The following TET2 variants were observed in gnomAD, a reference collection of about 807,000 sequenced individuals.
TET2 encodes methylcytosine dioxygenase TET2.
Under a neutral mutation model 142.9 loss-of-function variants are expected in TET2, and 299 were observed. The ratio of observed to expected loss-of-function variants is 2.09; its 90% confidence interval spans 1.90 to 2.30. The LOEUF is 2.30. Among genes scored for constraint, TET2 ranks in the 30% most tolerant of loss-of-function variants. The pLI, the probability that TET2 is intolerant of heterozygous loss-of-function variation, is 0.00. For missense variants in TET2, 2,418 were observed against 2,378.0 expected (o/e 1.02, Z -0.35); for synonymous variants, 819 against 849.0 (o/e 0.96, Z 0.61).
At position 105,229,793 on chromosome 4, in the gene TET2, A is replaced by G. The variant is rs564303710; in HGVS notation, c.-46-4104A>G. Among the ~76,000 whole-genome samples, 10 of 152,036 alleles carry G rather than the reference A, an allele frequency of 6.6e-5. No homozygotes were observed. In the East Asian group the frequency reaches 1.9e-3, roughly 29 times the overall value. Reference sequence around the variant, plus strand: ...GAGATGATTTTTTTTTATTTTACAAAGGTATAGGTTGTAGCATTCTTATAT... The same window carrying G: ...GAGATGATTTTTTTTTATTTTACAAGGGTATAGGTTGTAGCATTCTTATAT... On this transcript the variant is annotated intron_variant, in intron 2 of 10. Transcript: ENST00000380013.
intron 1 of TET2, among the ~76,000 whole-genome samples, chr4:105,151,484 A>G (rs1723297512): frequency 1.3e-5 from 2 of 150,112 alleles, no homozygotes; most frequent in South Asian, 4.2e-4. Context: ...AGATATAGAT[A>G]ATATATATTT....
intron 2 of TET2, 59 bp downstream of exon 2, chr4:105,190,564 A>G (rs1166509659): frequency 4.4e-6 from 3 of 686,164 alleles, no homozygotes; most frequent in African/African-American, 3.5e-5. Flanking sequence ...TCCTAATGTA[A>G]TGGTAATCTC....
intron 6 of TET2, among the ~76,000 whole-genome samples, chr4:105,258,957 G>T (rs1336308323): frequency 6.6e-6 from 1 of 152,106 alleles, no homozygotes; most frequent in Non-Finnish European, 1.5e-5. Flanking sequence ...ATGGAATATG[G>T]TACTCAATGA....
chr4:105,244,584 A>ATTTTTTTTT (rs1237638072), intron 6 of TET2, among the ~76,000 whole-genome samples: 17 of 116,748 alleles, frequency 1.5e-4, no homozygotes, highest in Non-Finnish European at 2.2e-4. Context: ...CTACACAGAA[A>ATTTTTTTTT]TGTTTTTTTT....
At chr4:105,170,376 T>C (rs1397378026) in intron 1 of TET2, among the ~76,000 whole-genome samples, 1 of 152,190 alleles carries the variant, frequency 6.6e-6, no homozygotes, top group Non-Finnish European at 1.5e-5. Flanking sequence ...TCCCAGCTAC[T>C]CTGAAGGCTG....
chr4:105,164,808 A>G (rs1724068485), intron 1 of TET2, among the ~76,000 whole-genome samples: 1 of 152,154 alleles, frequency 6.6e-6, no homozygotes, highest in South Asian at 2.1e-4. Flanking sequence ...GCCTCTGAAG[A>G]TTGGCTCAAG....
Position 105,236,632 on chromosome 4 carries a change from A to G in TET2, c.2690A>G (p.Gln897Arg), listed in dbSNP as rs956487472. The G allele has an allele frequency of 6.2e-7, 1 of 1,614,104 alleles. No homozygotes were observed. ...EQKSQQASVLQGYKNRNQDMS... is the reference protein window; with the variant it reads ...EQKSQQASVLRGYKNRNQDMS... The stretch of plus-strand genomic sequence containing the variant: ...AAGTCACAACAAGCTTCAGTTCTAC[A>G]GGGATATAAAAATAGAAACCAAGAT... Residue 897 changes from glutamine to arginine, a missense_variant, in exon 3 of 11, where the codon CAG (glutamine) becomes CGG (arginine). By Grantham distance (43) the Gln-to-Arg change is conservative. Transcript: ENST00000380013.
chr4:105,221,508 A>G (rs1727816876), intron 2 of TET2, among the ~76,000 whole-genome samples: 1 of 152,132 alleles, frequency 6.6e-6, no homozygotes, highest in Non-Finnish European at 1.5e-5. Flanking sequence ...AACTTTAAAC[A>G]TGGGAATTAA....
At chr4:105,215,222 A>C (rs893238672) in intron 2 of TET2, among the ~76,000 whole-genome samples, 3 of 152,172 alleles carry the variant, frequency 2.0e-5, no homozygotes, top group African/African-American at 7.2e-5. Flanking sequence ...GGCAGTGATA[A>C]GAATATGATG....
chr4:105,179,192 C>T (rs1724980154), intron 1 of TET2, among the ~76,000 whole-genome samples: 2 of 152,178 alleles, frequency 1.3e-5, no homozygotes, highest in Non-Finnish European at 2.9e-5. Context: ...GGTGGGGACA[C>T]AAAGCCTAAC....
rs945124485 is a variant in TET2 at position 105,162,415 on chromosome 4, T to C, written c.-193+15436T>C. Among the ~76,000 whole-genome samples, 7 of 152,234 alleles carry C rather than the reference T, an allele frequency of 4.6e-5. 1 individual carries two copies. Among genetic ancestry groups the C allele is most frequent in the Non-Finnish European group, 1.0e-4 (7 of 68,042 alleles). On this transcript the variant is annotated intron_variant, in intron 1 of 10. Transcript: ENST00000380013. The stretch of plus-strand genomic sequence containing the variant: ...CAGAATAAGAAAGCACTGGCCTGAC[T>C]GCAGGGGAAACATGGTAGATGCCTA...
intron 2 of TET2, among the ~76,000 whole-genome samples, chr4:105,209,837 T>C (rs1727056097): frequency 6.6e-6 from 1 of 152,120 alleles, no homozygotes; most frequent in Admixed American, 6.6e-5. Flanking sequence ...TCAGTATGAA[T>C]AGGTAGAAGA....
At chr4:105,155,801 T>C (rs1189572462) in intron 1 of TET2, among the ~76,000 whole-genome samples, 5 of 152,220 alleles carry the variant, frequency 3.3e-5, no homozygotes, top group African/African-American at 4.8e-5. Context: ...ATATTGGCTT[T>C]ATATAATTGT....
chr4:105,229,535 T>C (rs1728379781), intron 2 of TET2, among the ~76,000 whole-genome samples: 1 of 152,012 alleles, frequency 6.6e-6, no homozygotes. Context: ...GGTCTCGATC[T>C]CTTGACCTCG....
At chr4:105,198,105 G>C (rs1369193187) in intron 2 of TET2, among the ~76,000 whole-genome samples, 1 of 152,192 alleles carries the variant, frequency 6.6e-6, no homozygotes, top group African/African-American at 2.4e-5. Context: ...GGGAGGCCGA[G>C]GCGGGTGGAT....
chr4:105,172,993 CA>C (rs1226803578), intron 1 of TET2, among the ~76,000 whole-genome samples: 1 of 152,076 alleles, frequency 6.6e-6, no homozygotes, highest in Non-Finnish European at 1.5e-5. Flanking sequence ...GAGCAGAAAG[CA>C]AATTAGTTTT....
rs551797762 is a variant in TET2, at chr4:105,261,769, T to C, written c.3965T>C (p.Leu1322Pro). Reference sequence around the variant, plus strand: ...ATTCACTTTATACAGGAAGAGAAACTGGAGTCTCATTTGCAAAACCTGTCC... The same window carrying C: ...ATTCACTTTATACAGGAAGAGAAACCGGAGTCTCATTTGCAAAACCTGTCC... ...LGDDPKEEEK[L>P]ESHLQNLSTL... Residue 1322 changes from leucine to proline, a missense_variant, in exon 8 of 11, where the codon CTG becomes CCG. By Grantham distance (98) the Leu-to-Pro change is moderately conservative (BLOSUM62 -3). Coordinates refer to ENST00000380013, the MANE Select transcript of TET2 (RefSeq NM_001127208.3). 3.2e-6 allele frequency: 5 copies of C among 1,544,938 alleles called. No homozygotes were observed. Among genetic ancestry groups the C allele is most frequent in the Admixed American group, 2.0e-5 (1 of 50,714 alleles).
intron 3 of TET2, chr4:105,239,625 G>T: frequency 8.4e-6 from 2 of 239,518 alleles, no homozygotes; most frequent in African/African-American, 2.2e-5. Context: ...GAATGTTGTG[G>T]CTGACGTGAT....
Position 105,275,842 on chromosome 4 carries a change from C to T in TET2, c.5332C>T (p.His1778Tyr). ...TCCGGGCATGTTCAACAGCTCTCTT[C>T]ATGCCCTGCATCTCCAAAACAAGGA... ...AAPGMFNSSLHALHLQNKEND... is the reference protein window; with the variant it reads ...AAPGMFNSSLYALHLQNKEND... Residue 1778 changes from histidine (H) to tyrosine (Y), a missense_variant, in exon 11 of 11, where the codon CAT becomes TAT. His to Tyr is a moderately conservative substitution (Grantham distance 83). Coordinates refer to ENST00000380013, the MANE Select transcript of TET2 (RefSeq NM_001127208.3). 1 of 1,551,884 alleles carries T rather than the reference C, an allele frequency of 6.4e-7. No individual in the cohort carries two copies. Among genetic ancestry groups the T allele is most frequent in the Non-Finnish European group, 8.7e-7 (1 of 1,147,000 alleles).
Sources: allele counts gnomAD v4.1 joint callset (sites outside exome capture counted in the v4.1 genomes callset), GRCh38; gene constraint gnomAD v4.1.1; transcripts MANE v1.5; gene names NCBI Gene and HGNC (gene_info 2026-07-23, HGNC 2026-07-21).